The following ATAD3A variants were observed in gnomAD, a reference collection of about 807,000 sequenced individuals.
The protein encoded by ATAD3A is ATPase family AAA domain containing 3A, also known as ATPase family AAA domain-containing protein 3A.
Under a neutral mutation model 73.8 loss-of-function variants are expected in ATAD3A, and 46 were observed. The ratio of observed to expected loss-of-function variants is 0.62; its 90% CI spans 0.49 to 0.80. The LOEUF is 0.80. Among genes scored for constraint, ATAD3A ranks in the 30% least tolerant of loss-of-function variants. The pLI, the probability that ATAD3A is intolerant of heterozygous loss-of-function variation, is 0.00. For missense variants in ATAD3A, 705 were observed against 838.0 expected (o/e 0.84, Z 1.96); for synonymous variants, 319 against 350.0 (o/e 0.91, Z 0.99).
chr1:1,523,660 C>T lies in ATAD3A; in HGVS notation c.963+93C>T. 1.2e-6 allele frequency: 2 copies of T among 1,600,114 alleles called. No homozygotes were observed. The highest frequency in any genetic ancestry group is 1.7e-6 in the Non-Finnish European group (2 of 1,172,964). ...CCTTGCTGGCGCTCGTGGTGGCACC[C>T]AGGAGCTTTTGGGTCCTGAGATGCG... On this transcript the variant is annotated intron_variant, in intron 9 of 15. Transcript: ENST00000378756. The surrounding 1 kb of genome is among the most constrained non-coding windows in gnomAD (Gnocchi z 5.1).
chr1:1,523,538 C>T lies in ATAD3A; in HGVS notation c.934C>T (p.Gln312Ter), dbSNP rs756371745. 1 of 1,613,002 alleles carries T rather than the reference C, an allele frequency of 6.2e-7. No individual in the cohort carries two copies. The highest frequency in any genetic ancestry group is 8.5e-7 in the Non-Finnish European group (1 of 1,179,682). The part of the protein sequence containing the change: ...QVSRRLLSRP[Q>*]DALEGVVLSP... The stretch of plus-strand genomic sequence containing the variant: ...CAGCCGGCGGCTCCTCAGTCGACCC[C>T]AGGACGCGCTGGAGGGTGTTGTGCT... The change falls in exon 9 of 16, where the codon CAG (glutamine) becomes TAG (stop). Residue 312 changes from glutamine (Q) to a stop codon, truncating the protein, a stop_gained. Coordinates refer to ENST00000378756, the MANE Select transcript of ATAD3A (RefSeq NM_001170535.3). LOFTEE classifies it high-confidence loss of function. This position sits in a 1 kb window ranked among gnomAD's most constrained non-coding sequence, Gnocchi z 5.1.
chr1:1,513,785 G>C (rs1025126249), intron 1 of ATAD3A, among the ~76,000 whole-genome samples: 1 of 151,840 alleles, frequency 6.6e-6, no homozygotes, highest in African/African-American at 2.4e-5. Flanking sequence ...GGCTTCCTCC[G>C]TGCCCCTTTC....
At chr1:1,527,626 A>C in intron 13 of ATAD3A, 69 bp from the exon 14 acceptor site, 8 of 1,521,054 alleles carry the variant, frequency 5.3e-6, no homozygotes, top group Non-Finnish European at 7.1e-6. Flanking sequence ...GGGGCTGAGG[A>C]GGCCCCGTTC....
At chr1:1,531,097 G>A (rs529220770) in intron 15 of ATAD3A, among the ~76,000 whole-genome samples, 1 of 152,262 alleles carries the variant, frequency 6.6e-6, no homozygotes, top group South Asian at 2.1e-4. Context: ...GGCGGAGGAT[G>A]CGGTGAGCTG....
rs750541939 is a variant in ATAD3A, at chr1:1,518,911, T to G, written c.445-10T>G. The G allele has an allele frequency of 1.2e-6, 2 of 1,613,600 alleles. No individual in the cohort carries two copies. Among genetic ancestry groups the G allele is most frequent in the South Asian group, 2.2e-5 (2 of 91,078 alleles). ...AAAGGCTTTTCTCTTTTTCTGCGGC[T>G]TCTTCTCAGCAACTTCTCAATGAGG... is the stretch of plus-strand genomic sequence containing the variant. On this transcript the variant is annotated splice_polypyrimidine_tract_variant and intron_variant, in intron 4 of 15. Transcript: ENST00000378756.
chr1:1,528,449 A>C (rs1641924603), intron 14 of ATAD3A, among the ~76,000 whole-genome samples: 2 of 152,074 alleles, frequency 1.3e-5, no homozygotes. Context: ...CTCATGGTCC[A>C]CTGCTGGCTT....
rs1195006318 is a variant in ATAD3A at position 1,529,129 on chromosome 1, C to T, written c.1506-94C>T. The stretch of plus-strand genomic sequence containing the variant: ...GAGCCCCTCCAAAGAGGATGTTTGG[C>T]GTGGGTGTCGGCCTCGCTGCCTGTC... On this transcript the variant is annotated intron_variant, in intron 14 of 15. Transcript: ENST00000378756. 13 of 1,536,210 alleles carry T rather than the reference C, an allele frequency of 8.5e-6. No homozygotes were observed. In the Admixed American group the frequency reaches 9.8e-5, roughly 12 times the overall value.
At chr1:1,522,363 A>C (rs1303941830) in intron 7 of ATAD3A, among the ~76,000 whole-genome samples, 1 of 152,102 alleles carries the variant, frequency 6.6e-6, no homozygotes, top group African/African-American at 2.4e-5. Context: ...TTTTAAAACG[A>C]GTTAGAGATT....
intron 2 of ATAD3A, among the ~76,000 whole-genome samples, chr1:1,516,875 C>T (rs1166512249): frequency 6.6e-6 from 1 of 152,056 alleles, no homozygotes; most frequent in East Asian, 1.9e-4. Context: ...CCACATCTGG[C>T]TAATTTTTGT....
chr1:1,517,068 G>A, intron 2 of ATAD3A: 1 of 1,507,064 alleles, frequency 6.6e-7, no homozygotes, highest in Non-Finnish European at 8.9e-7. Context: ...AGTCCAAAAG[G>A]GGGTGTCCGG....
At chr1:1,512,708 G>T in intron 1 of ATAD3A, 1 of 1,239,646 alleles carries the variant, frequency 8.1e-7, no homozygotes, top group South Asian at 1.5e-5. Context: ...AAGCGGTGCG[G>T]AGGTGGCGCT....
Position 1,529,272 on chromosome 1 carries a change from G to T in ATAD3A, c.1555G>T (p.Ala519Ser). ...CTACGGGAGGAAGTGCTCGGAGGTC[G>T]CTCGGCTGACGGAGGGCATGTCGGG... is the stretch of plus-strand genomic sequence containing the variant. ...FDYGRKCSEV[A>S]RLTEGMSGRE... Residue 519 changes from alanine (A) to serine (S), a missense_variant, in exon 15 of 16, where the codon GCT becomes TCT. By Grantham distance (99) the Ala-to-Ser change is moderately conservative. Around this residue, in one of 5 missense-constraint regions of ATAD3A, gnomAD observed 252 missense variants for 278.5 expected, o/e 0.90. Transcript: ENST00000378756. 3.1e-6 allele frequency: 5 copies of T among 1,607,802 alleles called. No individual in the cohort carries two copies. The highest frequency in any genetic ancestry group is 4.2e-6 in the Non-Finnish European group (5 of 1,178,056).
intron 14 of ATAD3A, 93 bp from the exon 15 acceptor site, chr1:1,529,130 G>A (rs188649727): frequency 5.1e-4 from 782 of 1,543,386 alleles, no homozygotes; most frequent in Non-Finnish European, 6.1e-4. Context: ...GATGTTTGGC[G>A]TGGGTGTCGG....
intron 3 of ATAD3A, 136 bp downstream of exon 3, chr1:1,517,548 C>T (rs1415557667): frequency 9.8e-6 from 8 of 817,452 alleles, no homozygotes; most frequent in East Asian, 2.7e-5. Context: ...CTTGCACAAA[C>T]GCCTAAGACC....
rs760826883 is a variant in ATAD3A, at chr1:1,518,966, C to G, written c.490C>G (p.Gln164Glu). 2 of 1,614,164 alleles carry G rather than the reference C, an allele frequency of 1.2e-6. No individual in the cohort carries two copies. The highest frequency in any genetic ancestry group is 2.2e-5 in the South Asian group (2 of 91,080). ...TTTACGGAAGCAGGAGGAGTCCGTGCAGAAGCAGGAAGCCATGCGGCGAGG... is the reference window on the plus strand; with the variant it reads ...TTTACGGAAGCAGGAGGAGTCCGTGGAGAAGCAGGAAGCCATGCGGCGAGG... ...ENLRKQEESV[Q>E]KQEAMRRATV... The change falls in exon 5 of 16, where the codon CAG becomes GAG. Residue 164 changes from glutamine (Q) to glutamate (E), a missense_variant. By Grantham distance (29) the Gln-to-Glu change is conservative. Transcript: ENST00000378756.
intron 15 of ATAD3A, among the ~76,000 whole-genome samples, chr1:1,530,646 G>A (rs576954824): frequency 4.0e-5 from 5 of 123,874 alleles, no homozygotes; most frequent in Non-Finnish European, 7.5e-5. Context: ...CGGCTAAAAC[G>A]GTGAAACCCC....
chr1:1,524,208 A>C lies in ATAD3A; in HGVS notation c.1090-65A>C, dbSNP rs565654217. On this transcript the variant is annotated intron_variant, in intron 10 of 15. Coordinates refer to ENST00000378756, the MANE Select transcript of ATAD3A (RefSeq NM_001170535.3). ...GGCAGAGCCTCCACACTCCGGGTGG[A>C]GTGTGCAGGCTTTGCAGAGGCGGAG... 4.6e-5 allele frequency: 74 copies of C among 1,613,012 alleles called. No individual in the cohort carries two copies. The South Asian group carries it at 7.0e-4, about 15-fold the overall frequency.
At chr1:1,532,258 TG>T (rs1642056514) in intron 15 of ATAD3A, among the ~76,000 whole-genome samples, 4 of 152,242 alleles carry the variant, frequency 2.6e-5, no homozygotes, top group African/African-American at 9.6e-5. Flanking sequence ...ATTTTTCTTG[TG>T]GTGTCTTTGT....
chr1:1,523,590 G>C lies in ATAD3A; in HGVS notation c.963+23G>C, dbSNP rs543883741. On this transcript the variant is annotated intron_variant, in intron 9 of 15. Transcript: ENST00000378756. The surrounding 1 kb of genome is among the most constrained non-coding windows in gnomAD (Gnocchi z 5.1). ...AGTGTAAGTCGGTGTGCCTGGGACC[G>C]GGGAGGCGCAGGGAGGGGACCCTGG... The C allele has an allele frequency of 3.7e-6, 6 of 1,612,490 alleles. No individual in the cohort carries two copies. The highest frequency in any genetic ancestry group is 1.9e-4 in the Middle Eastern group (1 of 5,172).
Sources: gnomAD v4.1 joint callset for allele counts (sites outside exome capture counted in the v4.1 genomes callset) on GRCh38, gnomAD v4.1.1 for gene constraint, gnomAD v4.1.1 regional missense constraint, Gnocchi (gnomAD v3.1) non-coding constraint, MANE v1.5 for transcripts, NCBI Gene and HGNC (gene_info 2026-07-23, HGNC 2026-07-21) for gene names.